CSMD1: variants seen among roughly 807,000 people sequenced by gnomAD.
The protein encoded by CSMD1 is CUB and Sushi multiple domains 1.
In CSMD1, 213 loss-of-function variants were observed where a neutral mutation model predicts 417.5. The observed-to-expected ratio is 0.51, with a 90% CI of 0.46 to 0.57. CSMD1 has a LOEUF of 0.57. CSMD1 is among the 20% of genes least tolerant of loss of function. The pLI is 0.00. For synonymous variants in CSMD1, 2,862 were observed against 1,736.8 expected (o/e 1.65, Z -16.11); for missense variants, 6,923 against 4,529.7 (o/e 1.53, Z -15.17).
intron 7 of CSMD1, among the ~76,000 whole-genome samples, chr8:3,619,076 T>C (rs1802289147): frequency 6.6e-6 from 1 of 151,388 alleles, no homozygotes; most frequent in African/African-American, 2.5e-5. Flanking sequence ...ATGGGTACAC[T>C]GGGGTAAGGG....
chr8:3,982,186 A>T (rs890641320), intron 5 of CSMD1, among the ~76,000 whole-genome samples: 2 of 128,468 alleles, frequency 1.6e-5, no homozygotes, highest in African/African-American at 2.7e-5. Context: ...AATAATAATA[A>T]TAATATTAAT....
In CSMD1 at chr8:4,053,900, A is replaced by G. The variant is rs553139396; in HGVS notation, c.416-21801T>C. ...TTAGTTGCTATAATTATCATAAATA[A>G]TAATTAAGGGAAAATAAAAATGTAT... On this transcript the variant is annotated intron_variant, in intron 3 of 69. Transcript: ENST00000635120. 2.0e-5 allele frequency among the ~76,000 whole-genome samples: 3 copies of G among 152,336 alleles called. No individual in the cohort carries two copies. In the East Asian group the frequency reaches 5.8e-4, roughly 29 times the overall value.
At chr8:4,933,060 AAT>A (rs1476405322) in intron 1 of CSMD1, among the ~76,000 whole-genome samples, 1 of 151,720 alleles carries the variant, frequency 6.6e-6, no homozygotes, top group Non-Finnish European at 1.5e-5. Flanking sequence ...GGAATCAGGT[AAT>A]CAATAGCACT....
chr8:4,493,772 A>G (rs1801841980), intron 2 of CSMD1, among the ~76,000 whole-genome samples: 1 of 152,182 alleles, frequency 6.6e-6, no homozygotes, highest in Non-Finnish European at 1.5e-5. Flanking sequence ...AATCAACTCT[A>G]TCCCTAAGAA....
At chr8:4,016,494 G>C (rs1412165568) in intron 4 of CSMD1, among the ~76,000 whole-genome samples, 2 of 152,086 alleles carry the variant, frequency 1.3e-5, no homozygotes, top group Non-Finnish European at 2.9e-5. Flanking sequence ...CTTCCTGGAG[G>C]ACAAGGAGGT....
intron 3 of CSMD1, among the ~76,000 whole-genome samples, chr8:4,206,499 T>C (rs528493130): frequency 6.6e-5 from 10 of 152,322 alleles, no homozygotes; most frequent in South Asian, 4.1e-4. Flanking sequence ...TCCATGTCCC[T>C]ACAAAGGACA....
chr8:3,401,753 A>G (rs1448513006), intron 15 of CSMD1, among the ~76,000 whole-genome samples: 1 of 152,192 alleles, frequency 6.6e-6, no homozygotes, highest in Admixed American at 6.5e-5. Context: ...AGTTGAGTAC[A>G]GCATTTCCTC....
At chr8:3,104,985 C>T (rs763476848) in intron 46 of CSMD1, among the ~76,000 whole-genome samples, 28 of 152,312 alleles carry the variant, frequency 1.8e-4, no homozygotes, top group Non-Finnish European at 3.4e-4. Context: ...GGATTACAGG[C>T]GTGCGCCACC....
chr8:4,107,159 T>C (rs181024373), intron 3 of CSMD1, among the ~76,000 whole-genome samples: 101 of 152,186 alleles, frequency 6.6e-4, no homozygotes, highest in Admixed American at 1.4e-3. Context: ...ACAATTCCAG[T>C]CAACTTCAGA....
At chr8:3,501,096 T>C (rs1397893975) in intron 10 of CSMD1, among the ~76,000 whole-genome samples, 9 of 152,288 alleles carry the variant, frequency 5.9e-5, no homozygotes, top group Non-Finnish European at 8.8e-5. Context: ...AAATATACTA[T>C]ATAGTTTCAA....
chr8:4,831,636 G>T (rs1800154714), intron 1 of CSMD1, among the ~76,000 whole-genome samples: 1 of 152,106 alleles, frequency 6.6e-6, no homozygotes, highest in Admixed American at 6.5e-5. Flanking sequence ...TTTCGCTTTG[G>T]AAAGGTCATG....
chr8:4,057,201 C>T (rs537853613), intron 3 of CSMD1, among the ~76,000 whole-genome samples: 1,532 of 152,220 alleles, frequency 0.01, 26 homozygotes, highest in African/African-American at 0.034. Flanking sequence ...CCTGTTGTTT[C>T]CTGACTTTTT....
At chr8:3,862,372 A>C (rs913785650) in intron 5 of CSMD1, among the ~76,000 whole-genome samples, 5 of 150,088 alleles carry the variant, frequency 3.3e-5, no homozygotes, top group African/African-American at 1.3e-4. Flanking sequence ...TTATCCTCTG[A>C]TGTGGCCCTT....
intron 10 of CSMD1, among the ~76,000 whole-genome samples, chr8:3,568,972 C>G (rs1234674458): frequency 1.3e-5 from 2 of 152,072 alleles, no homozygotes; most frequent in African/African-American, 2.4e-5. Context: ...ATATATATTA[C>G]TTTTTCAAGA....
intron 23 of CSMD1, among the ~76,000 whole-genome samples, chr8:3,313,427 C>A (rs1436733981): frequency 6.6e-6 from 1 of 152,108 alleles, no homozygotes; most frequent in African/African-American, 2.4e-5. Flanking sequence ...AAGAAAAAAA[C>A]AACCCCATCA....
At chr8:3,631,672 G>A (rs1032647726) in intron 7 of CSMD1, among the ~76,000 whole-genome samples, 16 of 152,324 alleles carry the variant, frequency 1.1e-4, no homozygotes, top group African/African-American at 3.6e-4. Flanking sequence ...GTGGAATAAT[G>A]GAAGATTGAA....
At chr8:3,738,457 G>C (rs1015651263) in intron 6 of CSMD1, among the ~76,000 whole-genome samples, 1 of 152,164 alleles carries the variant, frequency 6.6e-6, no homozygotes, top group Non-Finnish European at 1.5e-5. Flanking sequence ...ATGACTTGAA[G>C]CTCATATGTG....
rs73660860 is a variant in CSMD1 at position 4,456,420 on chromosome 8, A to G, written c.303-36355T>C. On this transcript the variant is annotated intron_variant, in intron 2 of 69. Transcript: ENST00000635120. ...AAGACAAGATATCGACTTCTTAGAAAAAAAGTATTTTTAATTGCTGTTAAG... is the reference window on the plus strand; with the variant it reads ...AAGACAAGATATCGACTTCTTAGAAGAAAAGTATTTTTAATTGCTGTTAAG... Among the ~76,000 whole-genome samples, 488 of 152,252 alleles carry G rather than the reference A, an allele frequency of 3.2e-3. 3 individuals carry two copies. The highest frequency in any genetic ancestry group is 0.011 in the African/African-American group (466 of 41,558).
intron 3 of CSMD1, among the ~76,000 whole-genome samples, chr8:4,201,751 G>C (rs1160892056): frequency 6.6e-6 from 1 of 151,932 alleles, no homozygotes; most frequent in Non-Finnish European, 1.5e-5. Context: ...TGGATACATG[G>C]ACTCTTGAGA....
Sources: allele counts gnomAD v4.1 joint callset (sites outside exome capture counted in the v4.1 genomes callset), GRCh38; gene constraint gnomAD v4.1.1; transcripts MANE v1.5; gene names NCBI Gene and HGNC (gene_info 2026-07-23, HGNC 2026-07-21).